DEPTOR: variants seen among roughly 807,000 people sequenced by gnomAD.
DEPTOR encodes the protein DEP domain-containing mTOR-interacting protein.
Under a neutral mutation model 41.6 loss-of-function variants are expected in DEPTOR, and 41 were observed. That is an observed-to-expected ratio of 0.98 (90% CI 0.77 to 1.28). DEPTOR has a LOEUF of 1.28. Ranked by LOEUF, DEPTOR falls within the 50% of genes most tolerant of loss-of-function variation. The probability of loss-of-function intolerance (pLI) is 0.00; values close to 1 mark genes in which losing one functional copy is unlikely to be tolerated. For missense variants in DEPTOR, 514 were observed against 527.9 expected, an observed-to-expected ratio of 0.97 and a Z score of 0.26; for synonymous variants, 195 against 192.3, an observed-to-expected ratio of 1.01 and a Z score of -0.12.
intron 3 of DEPTOR, among the ~76,000 whole-genome samples, chr8:119,957,301 T>C (rs1828429849): frequency 6.6e-6 from 1 of 152,200 alleles, no homozygotes; most frequent in African/African-American, 2.4e-5. Flanking sequence ...AGGAAAAAAC[T>C]GTGAACCACA....
At chr8:120,015,172 C>T (rs557015962) in intron 8 of DEPTOR, among the ~76,000 whole-genome samples, 6 of 152,240 alleles carry the variant, frequency 3.9e-5, no homozygotes, top group African/African-American at 1.2e-4. Context: ...GTTTATAATC[C>T]GGGCCCTGCT....
chr8:119,897,780 C>T (rs1424467210), intron 1 of DEPTOR, among the ~76,000 whole-genome samples: 1 of 152,076 alleles, frequency 6.6e-6, no homozygotes, highest in Non-Finnish European at 1.5e-5. Context: ...CAGGCGTGAG[C>T]CACCACGCCT....
intron 1 of DEPTOR, among the ~76,000 whole-genome samples, chr8:119,919,195 G>A (rs1314051309): frequency 1.3e-5 from 2 of 152,084 alleles, no homozygotes; most frequent in African/African-American, 4.8e-5. Flanking sequence ...ATAGCCATAT[G>A]TGTACACATA....
chr8:119,906,220 G>A (rs1401922867), intron 1 of DEPTOR, among the ~76,000 whole-genome samples: 1 of 151,796 alleles, frequency 6.6e-6, no homozygotes, highest in Non-Finnish European at 1.5e-5. Flanking sequence ...GGGAAGCCAA[G>A]GCAGGCAGAT....
At chr8:120,044,530 C>T (rs567876997) in intron 8 of DEPTOR, among the ~76,000 whole-genome samples, 3 of 152,284 alleles carry the variant, frequency 2.0e-5, no homozygotes, top group Admixed American at 6.5e-5. Context: ...GTCAGTGGTC[C>T]AGGAGACAGA....
At chr8:120,022,278 A>C (rs1420243154) in intron 8 of DEPTOR, among the ~76,000 whole-genome samples, 2 of 152,022 alleles carry the variant, frequency 1.3e-5, no homozygotes, top group Non-Finnish European at 2.9e-5. Flanking sequence ...CCCATTGACT[A>C]CTACATTCGT....
intron 1 of DEPTOR, among the ~76,000 whole-genome samples, chr8:119,900,877 G>A (rs181972394): frequency 1.2e-3 from 186 of 152,254 alleles, no homozygotes; most frequent in African/African-American, 4.1e-3. Flanking sequence ...ATAAATGGCT[G>A]AATGTTATTC....
At chr8:119,923,088 C>G (rs554513823) in intron 1 of DEPTOR, among the ~76,000 whole-genome samples, 1 of 152,210 alleles carries the variant, frequency 6.6e-6, no homozygotes, top group South Asian at 2.1e-4. Context: ...TGAAGATCAC[C>G]TAGGTCTTCC....
At chr8:119,981,893 T>TA (rs1187830339) in intron 4 of DEPTOR, among the ~76,000 whole-genome samples, 2 of 151,264 alleles carry the variant, frequency 1.3e-5, no homozygotes, top group African/African-American at 4.9e-5. Context: ...CGGGCGCCTG[T>TA]AATCCCAGCT....
chr8:120,050,562 C>T lies in DEPTOR; in HGVS notation c.*858C>T, dbSNP rs1813221349. The T allele has an allele frequency of 2.0e-5, 3 of 152,150 alleles. No homozygotes were observed. The South Asian group carries it at 6.2e-4, about 31-fold the overall frequency. 9.4% of individuals were successfully genotyped at this position (152,150 alleles called of 1,614,324 possible). A position where few individuals can be genotyped will look rare whatever the true frequency, so the allele number is the denominator to read the frequency against. The stretch of plus-strand genomic sequence containing the variant: ...GTCTGTTTTTAAGGGAAGGCTAAAA[C>T]TTTGCTGATATGTGATAAAACTTGA... On this transcript the variant is annotated 3_prime_UTR_variant, in exon 9 of 9. Transcript: ENST00000286234.
At chr8:120,048,403 A>G (rs991587704) in intron 8 of DEPTOR, among the ~76,000 whole-genome samples, 2 of 152,194 alleles carry the variant, frequency 1.3e-5, no homozygotes, top group African/African-American at 4.8e-5. Flanking sequence ...AGTTCAGGAT[A>G]GATTGTGACC....
intron 8 of DEPTOR, among the ~76,000 whole-genome samples, chr8:120,012,559 CAG>C (rs1812545875): frequency 6.6e-6 from 1 of 151,772 alleles, no homozygotes; most frequent in Non-Finnish European, 1.5e-5. Flanking sequence ...TTTTTTGAGA[CAG>C]AGTCTGGCTT....
chr8:120,013,877 G>A (rs955084179), intron 8 of DEPTOR, among the ~76,000 whole-genome samples: 2 of 142,196 alleles, frequency 1.4e-5, no homozygotes, highest in Non-Finnish European at 3.0e-5. Context: ...TTTCACTCTC[G>A]TCGCCCAGCT....
intron 7 of DEPTOR, among the ~76,000 whole-genome samples, chr8:120,007,566 C>A (rs1004134216): frequency 6.6e-6 from 1 of 152,202 alleles, no homozygotes. Flanking sequence ...CTTCCTGTGT[C>A]TCCTTCTGTC....
chr8:119,924,505 AC>A (rs1827939091), intron 1 of DEPTOR, among the ~76,000 whole-genome samples: 1 of 152,066 alleles, frequency 6.6e-6, no homozygotes, highest in Admixed American at 6.6e-5. Flanking sequence ...TACTTGCCTT[AC>A]CTTGCCACTC....
chr8:119,879,436 T>A (rs1256721164), intron 1 of DEPTOR, among the ~76,000 whole-genome samples: 1 of 152,090 alleles, frequency 6.6e-6, no homozygotes, highest in Non-Finnish European at 1.5e-5. Context: ...CAGGGCTGAG[T>A]GCAGTGGCTC....
intron 2 of DEPTOR, among the ~76,000 whole-genome samples, chr8:119,929,521 G>A (rs1328524466): frequency 6.6e-6 from 1 of 152,064 alleles, no homozygotes; most frequent in African/African-American, 2.4e-5. Context: ...AGAAGAATTT[G>A]TGGATTGCAT....
chr8:119,974,177 T>C (rs998555520), intron 4 of DEPTOR, among the ~76,000 whole-genome samples: 6 of 139,680 alleles, frequency 4.3e-5, no homozygotes, highest in African/African-American at 1.6e-4. Context: ...GTGGGGAGGA[T>C]TGCTTGAGGA....
chr8:119,935,634 T>C (rs941537128), intron 3 of DEPTOR, among the ~76,000 whole-genome samples: 1 of 151,322 alleles, frequency 6.6e-6, no homozygotes, highest in Non-Finnish European at 1.5e-5. Context: ...GACAGAAAAA[T>C]TGCTTGAACC....
Sources: gnomAD v4.1 joint callset for allele counts (sites outside exome capture counted in the v4.1 genomes callset) on GRCh38, gnomAD v4.1.1 for gene constraint, MANE v1.5 for transcripts, NCBI Gene and HGNC (gene_info 2026-07-23, HGNC 2026-07-21) for gene names.